Variants in KDM4B observed in about 807,000 individuals in gnomAD.
The protein encoded by KDM4B is lysine-specific demethylase 4B.
In KDM4B, 32 loss-of-function variants were observed where a neutral mutation model predicts 125.2. That is an observed-to-expected ratio of 0.26 (90% confidence interval 0.19 to 0.34). KDM4B has a LOEUF of 0.34. Ranked by LOEUF, KDM4B falls within the 10% of genes least tolerant of loss-of-function variation. The pLI, the probability that KDM4B is intolerant of heterozygous loss-of-function variation, is 1.00. For synonymous variants in KDM4B, 721 were observed against 677.9 expected (o/e 1.06, Z -0.99); for missense variants, 1,190 against 1,577.7 (o/e 0.75, Z 4.16).
intron 6 of KDM4B, among the ~76,000 whole-genome samples, chr19:5,061,838 A>AAAACAAAAAACAAC (rs1555702900): frequency 6.6e-6 from 1 of 151,954 alleles, no homozygotes; most frequent in Admixed American, 6.6e-5. Context: ...TAAAAAAAAA[A>AAAACAAAAAACAAC]AACAAAAAAC....
rs748062725 is a variant in KDM4B at position 5,077,480 on chromosome 19, G to C, written c.780+10G>C. The C allele has an allele frequency of 1.2e-5, 19 of 1,611,110 alleles. No individual in the cohort carries two copies. Among genetic ancestry groups the C allele is most frequent in the Non-Finnish European group, 1.4e-5 (17 of 1,178,060 alleles). ...GATCCCCTTCAGCCGGGTGCGTACGGGTGGGGCCTGCACGCCTGTGGGTGA... is the reference window on the plus strand; with the variant it reads ...GATCCCCTTCAGCCGGGTGCGTACGCGTGGGGCCTGCACGCCTGTGGGTGA... On this transcript the variant is annotated intron_variant, in intron 8 of 22. Transcript: ENST00000159111.
intron 7 of KDM4B, among the ~76,000 whole-genome samples, chr19:5,073,015 A>C (rs1439324962): frequency 6.6e-6 from 1 of 152,124 alleles, no homozygotes. Context: ...GCTGTAACCA[A>C]CAGTCCCTCT....
chr19:5,071,769 G>T (rs1463221991), intron 7 of KDM4B, among the ~76,000 whole-genome samples: 1 of 152,168 alleles, frequency 6.6e-6, no homozygotes, highest in East Asian at 1.9e-4. Context: ...CTTGGGCAGG[G>T]TCCCCATGTC....
At chr19:5,102,000 G>A (rs2038945122) in intron 9 of KDM4B, among the ~76,000 whole-genome samples, 1 of 152,188 alleles carries the variant, frequency 6.6e-6, no homozygotes, top group African/African-American at 2.4e-5. Context: ...GGGGCAGGCG[G>A]CCGCCAGGGT....
intron 1 of KDM4B, among the ~76,000 whole-genome samples, chr19:4,983,558 A>G (rs1281463610): frequency 6.6e-6 from 1 of 152,174 alleles, no homozygotes; most frequent in African/African-American, 2.4e-5. Flanking sequence ...CTGGGGGCCA[A>G]GGGGTCCTGG....
chr19:5,000,837 T>TA (rs1162931606), intron 1 of KDM4B, among the ~76,000 whole-genome samples: 3 of 152,192 alleles, frequency 2.0e-5, no homozygotes, highest in African/African-American at 7.2e-5. Flanking sequence ...TGATTCAACA[T>TA]ACGTGATGTA....
intron 2 of KDM4B, among the ~76,000 whole-genome samples, chr19:5,024,132 C>G (rs147780583): frequency 2.6e-5 from 4 of 152,158 alleles, no homozygotes; most frequent in Non-Finnish European, 4.4e-5. Flanking sequence ...TCTTGGGTGT[C>G]CCTTGCGCCC....
At position 5,040,002 on chromosome 19, in the gene KDM4B, A is replaced by G. The variant is rs373494253; in HGVS notation, c.308A>G (p.Asn103Ser). ...MTVGEYRRLA[N>S]SEKYCTPRHQ... ...GTGGGCGAGTACCGCCGCCTGGCCA[A>G]CAGCGAGAAGTACGCGGGGCGGGCA... is the stretch of plus-strand genomic sequence containing the variant. The change falls in exon 4 of 23, where the codon AAC (asparagine) becomes AGC (serine). Residue 103 changes from asparagine to serine, a missense_variant. Asn to Ser is a conservative substitution (Grantham distance 46, BLOSUM62 1). Coordinates refer to ENST00000159111, the MANE Select transcript of KDM4B (RefSeq NM_015015.3). 1 of 1,610,708 alleles carries G rather than the reference A, an allele frequency of 6.2e-7. No homozygotes were observed. Among genetic ancestry groups the G allele is most frequent in the Non-Finnish European group, 8.5e-7 (1 of 1,178,416 alleles).
chr19:5,133,900 G>A lies in KDM4B; in HGVS notation c.1924G>A (p.Gly642Arg), dbSNP rs1196969560. The part of the protein sequence containing the change: ...SSDEEASPFS[G>R]EEDVSDPDAL... ...TCTTCTAGAGGCATCCCCTTTCTCCGGGGAGGAAGATGTGAGTGACCCGGA... is the reference window on the plus strand; with the variant it reads ...TCTTCTAGAGGCATCCCCTTTCTCCAGGGAGGAAGATGTGAGTGACCCGGA... Residue 642 changes from glycine to arginine, a missense_variant, in exon 14 of 23, where the codon GGG becomes AGG. Gly to Arg is a moderately radical substitution (Grantham distance 125). Transcript: ENST00000159111. 7 of 1,612,998 alleles carry A rather than the reference G, an allele frequency of 4.3e-6. No individual in the cohort carries two copies. The highest frequency in any genetic ancestry group is 1.1e-5 in the South Asian group (1 of 91,066).
rs765538504 is a variant in KDM4B, at chr19:5,122,688, G to A, written c.1315+2836G>A. On this transcript the variant is annotated intron_variant, in intron 11 of 22. Coordinates refer to ENST00000159111, the MANE Select transcript of KDM4B (RefSeq NM_015015.3). ...GGGAAGACACTCGCCACCCGTCACC[G>A]ACCAAGAGCAGATAAGAATGCCTGA... Among the ~76,000 whole-genome samples the A allele has an allele frequency of 5.3e-5, 8 of 152,310 alleles. No homozygotes were observed. The South Asian group carries it at 6.2e-4, about 12-fold the overall frequency.
chr19:5,009,794 C>T (rs1420331838), intron 1 of KDM4B, among the ~76,000 whole-genome samples: 2 of 151,974 alleles, frequency 1.3e-5, no homozygotes, highest in Non-Finnish European at 2.9e-5. Context: ...TGCAGGGGCG[C>T]CATCTTGGCT....
chr19:5,131,598 G>GGA, intron 12 of KDM4B, 53 bp downstream of exon 12: 1 of 666,068 alleles, frequency 1.5e-6, no homozygotes, highest in South Asian at 2.1e-5. Flanking sequence ...GGTGGGGCAG[G>GGA]GGAGGAGGGG....
chr19:4,985,319 G>A (rs943636099), intron 1 of KDM4B, among the ~76,000 whole-genome samples: 5 of 152,032 alleles, frequency 3.3e-5, no homozygotes, highest in African/African-American at 7.2e-5. Context: ...GCGAGACTCC[G>A]TCTCTTAAAA....
chr19:5,151,014 G>T (rs372487148), intron 22 of KDM4B, among the ~76,000 whole-genome samples: 17 of 152,304 alleles, frequency 1.1e-4, no homozygotes, highest in South Asian at 4.1e-4. Context: ...CAGAGCCCGT[G>T]GGGGAGGTTC....
intron 1 of KDM4B, among the ~76,000 whole-genome samples, chr19:5,014,401 C>T (rs1366358225): frequency 1.3e-5 from 2 of 152,114 alleles, no homozygotes; most frequent in Admixed American, 6.5e-5. Context: ...CTCAGCCTCC[C>T]GAGTAGCTGG....
intron 2 of KDM4B, among the ~76,000 whole-genome samples, chr19:5,016,724 T>A (rs1353497392): frequency 6.6e-6 from 1 of 152,190 alleles, no homozygotes; most frequent in Non-Finnish European, 1.5e-5. Flanking sequence ...CCCCACACAC[T>A]GTCAGAAGTG....
At chr19:4,996,689 C>G (rs2035212134) in intron 1 of KDM4B, among the ~76,000 whole-genome samples, 1 of 152,218 alleles carries the variant, frequency 6.6e-6, no homozygotes, top group African/African-American at 2.4e-5. Flanking sequence ...TTGGGGACAG[C>G]TCTGGTCTCT....
chr19:5,027,037 A>C (rs1239984024), intron 2 of KDM4B, among the ~76,000 whole-genome samples: 3 of 152,202 alleles, frequency 2.0e-5, no homozygotes, highest in African/African-American at 7.2e-5. Context: ...GGCCCAGCTG[A>C]GGCCTTCACG....
intron 3 of KDM4B, among the ~76,000 whole-genome samples, chr19:5,038,245 C>A (rs1270448953): frequency 1.3e-5 from 2 of 152,248 alleles, no homozygotes; most frequent in Non-Finnish European, 2.9e-5. Flanking sequence ...GCTGGGAGGG[C>A]CTGCACAGAA....
Sources: gnomAD v4.1 joint callset for allele counts (sites outside exome capture counted in the v4.1 genomes callset) on GRCh38, gnomAD v4.1.1 for gene constraint, MANE v1.5 for transcripts, NCBI Gene and HGNC (gene_info 2026-07-23, HGNC 2026-07-21) for gene names.